The following TCF7L2 variants were observed in gnomAD, a reference collection of about 807,000 sequenced individuals.
TCF7L2 encodes the protein transcription factor 7-like 2.
Under a neutral mutation model 77.9 loss-of-function variants are expected in TCF7L2, and 23 were observed. That is an observed-to-expected ratio of 0.30 (90% confidence interval 0.21 to 0.42). TCF7L2 has a LOEUF of 0.42. Ranked by LOEUF, TCF7L2 falls within the 10% of genes least tolerant of loss-of-function variation. The pLI is 1.00. For missense variants in TCF7L2, 654 were observed against 793.1 expected (o/e 0.82, Z 2.11); for synonymous variants, 413 against 340.2 (o/e 1.21, Z -2.36).
intron 3 of TCF7L2, among the ~76,000 whole-genome samples, chr10:112,962,076 C>A (rs938497279): frequency 6.6e-6 from 1 of 152,090 alleles, no homozygotes; most frequent in African/African-American, 2.4e-5. Flanking sequence ...AAGAACAGAA[C>A]TGGACAAGTG....
chr10:113,135,065 G>C (rs1483549566), intron 5 of TCF7L2, among the ~76,000 whole-genome samples: 1 of 152,214 alleles, frequency 6.6e-6, no homozygotes, highest in Non-Finnish European at 1.5e-5. Flanking sequence ...ATTCCCTCTA[G>C]GTTGCCCACA....
chr10:113,041,212 C>T (rs919821095), intron 5 of TCF7L2, among the ~76,000 whole-genome samples: 1 of 152,116 alleles, frequency 6.6e-6, no homozygotes, highest in African/African-American at 2.4e-5. Context: ...TTTTATAAAA[C>T]CATATTTTGA....
intron 4 of TCF7L2, among the ~76,000 whole-genome samples, chr10:112,967,148 T>C (rs980388061): frequency 3.3e-5 from 5 of 152,232 alleles, no homozygotes; most frequent in Admixed American, 6.5e-5. Context: ...ATCTTTTCGC[T>C]CTGGATGTGG....
intron 5 of TCF7L2, among the ~76,000 whole-genome samples, chr10:113,106,058 G>A (rs141583984): frequency 6.6e-6 from 1 of 152,166 alleles, no homozygotes; most frequent in Admixed American, 6.5e-5. Flanking sequence ...TGGGCTCTGA[G>A]GTACTCCCTT....
At chr10:113,032,915 CTG>C (rs1482446447) in intron 4 of TCF7L2, among the ~76,000 whole-genome samples, 2 of 152,126 alleles carry the variant, frequency 1.3e-5, no homozygotes, top group African/African-American at 4.8e-5. Context: ...AAAAGGTTAA[CTG>C]TAAGGATTTC....
intron 4 of TCF7L2, among the ~76,000 whole-genome samples, chr10:112,978,429 A>T (rs944539711): frequency 6.6e-6 from 1 of 151,160 alleles, no homozygotes; most frequent in African/African-American, 2.4e-5. Context: ...CTAATTTCTC[A>T]TAGTAGTCTT....
chr10:113,160,527 A>C, intron 12 of TCF7L2: 1 of 1,167,888 alleles, frequency 8.6e-7, no homozygotes, highest in African/African-American at 1.6e-5. Flanking sequence ...AAGGTGATAG[A>C]GAAGAAAAGG....
intron 5 of TCF7L2, among the ~76,000 whole-genome samples, chr10:113,123,350 A>C (rs1247915678): frequency 2.0e-5 from 3 of 152,196 alleles, no homozygotes; most frequent in Non-Finnish European, 4.4e-5. Context: ...GAAGCTCTGG[A>C]TTGATAAAGC....
At chr10:113,107,461 C>T (rs926582333) in intron 5 of TCF7L2, among the ~76,000 whole-genome samples, 10 of 152,122 alleles carry the variant, frequency 6.6e-5, no homozygotes, top group East Asian at 3.9e-4. Context: ...CATCAAGTTG[C>T]GGCCGGGCGT....
chr10:112,992,514 T>C (rs2042748175), intron 4 of TCF7L2, among the ~76,000 whole-genome samples: 2 of 151,980 alleles, frequency 1.3e-5, no homozygotes, highest in African/African-American at 4.8e-5. Context: ...TCAAAAGGAG[T>C]GCAGCCTGCC....
chr10:113,143,245 C>T (rs1214942186), intron 6 of TCF7L2, among the ~76,000 whole-genome samples: 1 of 152,266 alleles, frequency 6.6e-6, no homozygotes, highest in African/African-American at 2.4e-5. Flanking sequence ...GCCCATTCAG[C>T]AGGTGGGCTT....
chr10:113,002,917 T>C (rs890170716), intron 4 of TCF7L2, among the ~76,000 whole-genome samples: 12 of 152,234 alleles, frequency 7.9e-5, no homozygotes, highest in African/African-American at 2.4e-4. Context: ...TACATTTTGC[T>C]CATCTCTAAA....
chr10:113,004,758 C>T (rs1487770616), intron 4 of TCF7L2, among the ~76,000 whole-genome samples: 11 of 152,112 alleles, frequency 7.2e-5, no homozygotes, highest in South Asian at 4.2e-4. Context: ...CTGCAACCTC[C>T]GCCTCCCGGG....
intron 4 of TCF7L2, among the ~76,000 whole-genome samples, chr10:112,993,557 C>T (rs2042966872): frequency 6.6e-6 from 1 of 152,078 alleles, no homozygotes; most frequent in Non-Finnish European, 1.5e-5. Flanking sequence ...TCTCCTGCTT[C>T]TGCTTTGCAT....
At chr10:113,097,832 G>A (rs2061207701) in intron 5 of TCF7L2, among the ~76,000 whole-genome samples, 1 of 147,494 alleles carries the variant, frequency 6.8e-6, no homozygotes, top group Non-Finnish European at 1.5e-5. Context: ...CAGGCGGATC[G>A]CCTGAGGTCA....
intron 5 of TCF7L2, among the ~76,000 whole-genome samples, chr10:113,109,043 C>T (rs2062778056): frequency 6.6e-6 from 1 of 152,196 alleles, no homozygotes; most frequent in Non-Finnish European, 1.5e-5. Context: ...ACAATCCCTG[C>T]CGACAGTGTG....
At position 113,029,683 on chromosome 10, in the gene TCF7L2, C is replaced by T. The variant is rs140045989; in HGVS notation, c.451-10342C>T. Among the ~76,000 whole-genome samples the T allele has an allele frequency of 2.3e-3, 356 of 152,128 alleles. 2 individuals carry two copies. Among genetic ancestry groups the T allele is most frequent in the African/African-American group, 8.0e-3 (333 of 41,518 alleles). Reference sequence around the variant, plus strand: ...CTAGGATTACAGGCATGCGCCACCACGTCCAGCTAATTTTTGTATTTTTAG... The same window carrying T: ...CTAGGATTACAGGCATGCGCCACCATGTCCAGCTAATTTTTGTATTTTTAG... On this transcript the variant is annotated intron_variant, in intron 4 of 13. Coordinates refer to ENST00000627217, the MANE Select transcript of TCF7L2 (RefSeq NM_001146274.2).
chr10:112,970,869 G>A (rs930642452), intron 4 of TCF7L2, among the ~76,000 whole-genome samples: 2 of 152,162 alleles, frequency 1.3e-5, no homozygotes, highest in African/African-American at 4.8e-5. Context: ...ACTTCCTCAC[G>A]TTTCCTTTAG....
At chr10:112,998,313 T>C (rs1323662625) in intron 4 of TCF7L2, among the ~76,000 whole-genome samples, 1 of 152,196 alleles carries the variant, frequency 6.6e-6, no homozygotes, top group Non-Finnish European at 1.5e-5. Flanking sequence ...GTTTCTTTAA[T>C]TGTAAATTGA....
Sources: gnomAD v4.1 joint callset for allele counts (sites outside exome capture counted in the v4.1 genomes callset) on GRCh38, gnomAD v4.1.1 for gene constraint, MANE v1.5 for transcripts, NCBI Gene and HGNC (gene_info 2026-07-23, HGNC 2026-07-21) for gene names.